The following MAGI2 variants were observed in gnomAD, a reference collection of about 807,000 sequenced individuals.
The protein encoded by MAGI2 is membrane associated guanylate kinase, WW and PDZ domain containing 2.
Under a neutral mutation model 133.3 loss-of-function variants are expected in MAGI2, and 35 were observed. That is an observed-to-expected ratio of 0.26 (90% CI 0.20 to 0.35). MAGI2 has a LOEUF of 0.35. Among genes scored for constraint, MAGI2 ranks in the 10% least tolerant of loss-of-function variants. The pLI, the probability that MAGI2 is intolerant of heterozygous loss-of-function variation, is 1.00. For missense variants in MAGI2, 1,636 were observed against 1,863.4 expected, an observed-to-expected ratio of 0.88 and a Z score of 2.25; for synonymous variants, 729 against 710.6, an observed-to-expected ratio of 1.03 and a Z score of -0.41.
chr7:78,046,021 A>G (rs1010763068), intron 21 of MAGI2, among the ~76,000 whole-genome samples: 1 of 152,118 alleles, frequency 6.6e-6, no homozygotes, highest in African/African-American at 2.4e-5. Context: ...TGATGAACAC[A>G]CAGTTGAGAA....
At chr7:79,164,816 G>A (rs746190027) in intron 1 of MAGI2, among the ~76,000 whole-genome samples, 4 of 151,904 alleles carry the variant, frequency 2.6e-5, no homozygotes, top group East Asian at 1.9e-4. Context: ...CCTGCACCCC[G>A]ACCATCTTGG....
intron 1 of MAGI2, among the ~76,000 whole-genome samples, chr7:79,136,118 AAAGAAAG>A (rs1821539683): frequency 6.6e-6 from 1 of 151,414 alleles, no homozygotes; most frequent in African/African-American, 2.4e-5. Context: ...AGAAAGAAAG[AAAGAAAG>A]AAAGACACAA....
At chr7:79,140,505 A>C (rs1057303062) in intron 1 of MAGI2, among the ~76,000 whole-genome samples, 2 of 152,138 alleles carry the variant, frequency 1.3e-5, no homozygotes, top group African/African-American at 4.8e-5. Flanking sequence ...AGTGCTTTAA[A>C]AAATAATAAC....
intron 10 of MAGI2, among the ~76,000 whole-genome samples, chr7:78,214,000 T>G (rs917808078): frequency 2.0e-5 from 3 of 152,206 alleles, no homozygotes; most frequent in African/African-American, 7.2e-5. Flanking sequence ...ATGTGATTGC[T>G]GTTGAGTTGG....
intron 13 of MAGI2, among the ~76,000 whole-genome samples, chr7:78,178,873 A>T (rs1342897147): frequency 6.6e-6 from 1 of 152,226 alleles, no homozygotes; most frequent in African/African-American, 2.4e-5. Flanking sequence ...ACTTTTCTGA[A>T]GTCAGCTGAA....
At chr7:78,814,954 C>T (rs1181013074) in intron 2 of MAGI2, among the ~76,000 whole-genome samples, 1 of 152,122 alleles carries the variant, frequency 6.6e-6, no homozygotes, top group Non-Finnish European at 1.5e-5. Flanking sequence ...TCGTGAAGTC[C>T]TGGCTTCAAG....
At chr7:78,844,310 C>T (rs187014108) in intron 2 of MAGI2, among the ~76,000 whole-genome samples, 1 of 151,550 alleles carries the variant, frequency 6.6e-6, no homozygotes, top group Non-Finnish European at 1.5e-5. Context: ...TAGGTATATA[C>T]CCAAGAAAAA....
intron 2 of MAGI2, among the ~76,000 whole-genome samples, chr7:78,850,927 GA>G (rs1026315369): frequency 1.3e-5 from 2 of 151,586 alleles, no homozygotes; most frequent in South Asian, 2.1e-4. Context: ...TTTTTTAAAG[GA>G]AAAAAAGCCA....
intron 21 of MAGI2, among the ~76,000 whole-genome samples, chr7:78,046,800 T>A (rs946344520): frequency 2.0e-5 from 3 of 152,230 alleles, no homozygotes; most frequent in Admixed American, 2.0e-4. Context: ...TTAAAAAAGA[T>A]AATGACTTTT....
intron 16 of MAGI2, among the ~76,000 whole-genome samples, chr7:78,148,577 C>G (rs1823548462): frequency 6.6e-6 from 1 of 152,090 alleles, no homozygotes; most frequent in Non-Finnish European, 1.5e-5. Flanking sequence ...TGTAGAATAA[C>G]TAGGAGACAG....
At chr7:78,025,093 C>G (rs1161599283) in intron 21 of MAGI2, among the ~76,000 whole-genome samples, 2 of 152,228 alleles carry the variant, frequency 1.3e-5, no homozygotes, top group Non-Finnish European at 2.9e-5. Context: ...CCCCTGCCAG[C>G]CTCCCCAGCT....
At chr7:78,823,454 G>A (rs1790320224) in intron 2 of MAGI2, among the ~76,000 whole-genome samples, 1 of 152,052 alleles carries the variant, frequency 6.6e-6, no homozygotes, top group South Asian at 2.1e-4. Context: ...GTGGTGGCGG[G>A]CGCCTGTAGT....
At chr7:79,234,626 C>T (rs1418607685) in intron 1 of MAGI2, among the ~76,000 whole-genome samples, 3 of 151,988 alleles carry the variant, frequency 2.0e-5, no homozygotes, top group Non-Finnish European at 4.4e-5. Flanking sequence ...AGGTCTCGAG[C>T]CTTGGTTTTC....
intron 2 of MAGI2, among the ~76,000 whole-genome samples, chr7:78,903,134 C>T (rs1797730524): frequency 6.8e-6 from 1 of 146,510 alleles, no homozygotes; most frequent in South Asian, 2.2e-4. Flanking sequence ...TTGCTAGGGC[C>T]ACTTTCTCGG....
intron 9 of MAGI2, among the ~76,000 whole-genome samples, chr7:78,264,519 G>T (rs1224104727): frequency 6.6e-6 from 1 of 152,132 alleles, no homozygotes; most frequent in Non-Finnish European, 1.5e-5. Context: ...TGCAAACAGG[G>T]GAATCGGGGA....
At chr7:78,494,778 G>C (rs1230051615) in intron 5 of MAGI2, among the ~76,000 whole-genome samples, 2 of 151,960 alleles carry the variant, frequency 1.3e-5, no homozygotes, top group South Asian at 4.1e-4. Flanking sequence ...CCTTTCCTTT[G>C]CTCCGTTTTC....
chr7:79,070,075 A>C (rs1349137058), intron 1 of MAGI2, among the ~76,000 whole-genome samples: 1 of 151,968 alleles, frequency 6.6e-6, no homozygotes, highest in Non-Finnish European at 1.5e-5. Context: ...TCTAATGATT[A>C]TGTGTCTTGG....
intron 6 of MAGI2, among the ~76,000 whole-genome samples, chr7:78,370,941 G>T (rs1377655062): frequency 6.6e-6 from 1 of 151,842 alleles, no homozygotes; most frequent in Non-Finnish European, 1.5e-5. Context: ...CTTTCAGAAG[G>T]ATAATAAGAG....
At chr7:78,859,048 T>C (rs896238839) in intron 2 of MAGI2, among the ~76,000 whole-genome samples, 1 of 152,082 alleles carries the variant, frequency 6.6e-6, no homozygotes, top group Non-Finnish European at 1.5e-5. Flanking sequence ...TATCAGAGAT[T>C]AGGATTGCAA....
Sources: allele counts gnomAD v4.1 joint callset (sites outside exome capture counted in the v4.1 genomes callset), GRCh38; gene constraint gnomAD v4.1.1; transcripts MANE v1.5; gene names NCBI Gene and HGNC (gene_info 2026-07-23, HGNC 2026-07-21).